The following NEGR1 variants were observed in gnomAD, a reference collection of about 807,000 sequenced individuals.
NEGR1 encodes the protein neuronal growth regulator 1.
NEGR1 carries 10 observed loss-of-function variants against 40.9 expected under a neutral mutation model. That is an observed-to-expected ratio of 0.24 (90% CI 0.15 to 0.42). The LOEUF is 0.42. Ranked by LOEUF, NEGR1 falls within the 10% of genes least tolerant of loss-of-function variation. The probability of loss-of-function intolerance (pLI) is 1.00; values close to 1 mark genes in which losing one functional copy is unlikely to be tolerated. For synonymous variants in NEGR1, 185 were observed against 166.8 expected, an observed-to-expected ratio of 1.11 and a Z score of -0.84; for missense variants, 352 against 438.9, an observed-to-expected ratio of 0.80 and a Z score of 1.77.
Position 71,676,493 on chromosome 1 carries a change from G to A in NEGR1, c.667+21515C>T, listed in dbSNP as rs763100656. On this transcript the variant is annotated intron_variant, in intron 4 of 6. Coordinates refer to ENST00000357731, the MANE Select transcript of NEGR1 (RefSeq NM_173808.3). The stretch of plus-strand genomic sequence containing the variant: ...ATGATTGCTGTAAGACAAGGAAACA[G>A]CAACAATAACAATGAACTATAAGTG... Among the ~76,000 whole-genome samples, 116 of 152,288 alleles carry A rather than the reference G, an allele frequency of 7.6e-4. 1 individual carries two copies. The highest frequency in any genetic ancestry group is 2.6e-3 in the African/African-American group (108 of 41,566).
At chr1:71,723,692 T>G (rs529096263) in intron 3 of NEGR1, among the ~76,000 whole-genome samples, 20 of 152,176 alleles carry the variant, frequency 1.3e-4, no homozygotes, top group African/African-American at 4.6e-4. Flanking sequence ...TTGAAGTGCC[T>G]TACAACAAAG....
At chr1:72,056,407 C>T (rs1038191893) in intron 1 of NEGR1, among the ~76,000 whole-genome samples, 1 of 151,322 alleles carries the variant, frequency 6.6e-6, no homozygotes, top group African/African-American at 2.4e-5. Context: ...AGAGAGATTC[C>T]TGGCTGGATT....
chr1:71,459,322 ATGGTTCAC>A (rs1646698078), intron 6 of NEGR1, among the ~76,000 whole-genome samples: 1 of 152,224 alleles, frequency 6.6e-6, no homozygotes, highest in Admixed American at 6.5e-5. Flanking sequence ...AATGTCTCAA[ATGGTTCAC>A]TAATCTGAGA....
At chr1:71,736,762 C>T (rs1484356858) in intron 3 of NEGR1, among the ~76,000 whole-genome samples, 4 of 152,022 alleles carry the variant, frequency 2.6e-5, no homozygotes, top group Non-Finnish European at 5.9e-5. Context: ...TCCAATGTCT[C>T]GTATAATAAA....
chr1:72,225,598 C>T (rs1457782831), intron 1 of NEGR1, among the ~76,000 whole-genome samples: 1 of 151,264 alleles, frequency 6.6e-6, no homozygotes, highest in Non-Finnish European at 1.5e-5. Flanking sequence ...ATTTAAATAA[C>T]TGAGACTATT....
intron 4 of NEGR1, among the ~76,000 whole-genome samples, chr1:71,663,322 A>T (rs940431645): frequency 6.6e-6 from 1 of 152,038 alleles, no homozygotes; most frequent in African/African-American, 2.4e-5. Context: ...CAGCTTCTAC[A>T]TCTTAATTCT....
At chr1:71,997,693 T>C (rs1646517251) in intron 1 of NEGR1, among the ~76,000 whole-genome samples, 1 of 151,930 alleles carries the variant, frequency 6.6e-6, no homozygotes, top group Non-Finnish European at 1.5e-5. Context: ...GTTTTCTTTC[T>C]GAAAAAATAA....
intron 1 of NEGR1, among the ~76,000 whole-genome samples, chr1:72,218,178 C>G (rs1557583678): frequency 6.6e-6 from 1 of 151,766 alleles, no homozygotes; most frequent in Non-Finnish European, 1.5e-5. Context: ...TCCATAAGTT[C>G]ACTAGGATGA....
intron 3 of NEGR1, among the ~76,000 whole-genome samples, chr1:71,731,308 C>T (rs959333960): frequency 6.6e-6 from 1 of 152,124 alleles, no homozygotes; most frequent in Non-Finnish European, 1.5e-5. Context: ...TCCAGAAGCC[C>T]CCTCTACTCA....
At chr1:72,084,548 T>C (rs191325301) in intron 1 of NEGR1, among the ~76,000 whole-genome samples, 10 of 152,304 alleles carry the variant, frequency 6.6e-5, no homozygotes, top group Non-Finnish European at 1.2e-4. Flanking sequence ...CTGTATTAGA[T>C]AGCAAGTTCC....
At position 71,860,578 on chromosome 1, in the gene NEGR1, C is replaced by T. The variant is rs1282068319; in HGVS notation, c.409+74501G>A. 2.0e-5 allele frequency among the ~76,000 whole-genome samples: 3 copies of T among 151,786 alleles called. No individual in the cohort carries two copies. In the Admixed American group the frequency reaches 2.0e-4, roughly 10 times the overall value. On this transcript the variant is annotated intron_variant, in intron 2 of 6. Transcript: ENST00000357731. ...ATCATTATATTAGAAGTCAGATTAT[C>T]ACAAAATACAATGATAGATAGTAAG...
chr1:72,153,406 C>A (rs984363815), intron 1 of NEGR1, among the ~76,000 whole-genome samples: 4 of 151,736 alleles, frequency 2.6e-5, no homozygotes, highest in African/African-American at 9.7e-5. Context: ...CAAACTGTAT[C>A]ATGATAGCAG....
chr1:72,136,518 C>CA (rs1331481097), intron 1 of NEGR1, among the ~76,000 whole-genome samples: 17 of 142,120 alleles, frequency 1.2e-4, no homozygotes, highest in East Asian at 4.1e-4. Context: ...AGTGAGAGAA[C>CA]AAAAAAAAAT....
intron 1 of NEGR1, among the ~76,000 whole-genome samples, chr1:72,244,624 A>T (rs1047630562): frequency 6.6e-6 from 1 of 151,972 alleles, no homozygotes; most frequent in African/African-American, 2.4e-5. Context: ...TCACTGCAAC[A>T]CTGCATCAGT....
rs146610008 is a variant in NEGR1 at position 72,094,779 on chromosome 1, C to A, written c.177-159468G>T. Among the ~76,000 whole-genome samples, 3 of 152,302 alleles carry A rather than the reference C, an allele frequency of 2.0e-5. No homozygotes were observed. The East Asian group carries it at 5.8e-4, about 29-fold the overall frequency. ...GTTCTCCTTTTGCCTCTGTAGATCT[C>A]ACTGGTATTTTGTTAACACTAATTA... On this transcript the variant is annotated intron_variant, in intron 1 of 6. Transcript: ENST00000357731.
intron 3 of NEGR1, among the ~76,000 whole-genome samples, chr1:71,719,934 T>A (rs1168065491): frequency 6.6e-6 from 1 of 152,082 alleles, no homozygotes; most frequent in Non-Finnish European, 1.5e-5. Flanking sequence ...CCTGACCCTA[T>A]AAGAGTGCAT....
chr1:71,533,417 T>C (rs1371897842), intron 6 of NEGR1, among the ~76,000 whole-genome samples: 1 of 151,636 alleles, frequency 6.6e-6, no homozygotes, highest in Non-Finnish European at 1.5e-5. Flanking sequence ...TTCACTAACA[T>C]ACCTCCAAAC....
intron 4 of NEGR1, among the ~76,000 whole-genome samples, chr1:71,622,502 C>A (rs924162954): frequency 2.0e-5 from 3 of 151,852 alleles, no homozygotes; most frequent in Non-Finnish European, 4.4e-5. Flanking sequence ...AACGTGCAGA[C>A]TCTTTAGATC....
intron 1 of NEGR1, among the ~76,000 whole-genome samples, chr1:72,265,008 TTAAC>T: frequency 6.6e-6 from 1 of 151,002 alleles, no homozygotes; most frequent in Non-Finnish European, 1.5e-5. Flanking sequence ...GGTTATTTAT[TTAAC>T]TGTCATTTCT....
Sources: gnomAD v4.1 joint callset for allele counts (sites outside exome capture counted in the v4.1 genomes callset) on GRCh38, gnomAD v4.1.1 for gene constraint, MANE v1.5 for transcripts, NCBI Gene and HGNC (gene_info 2026-07-23, HGNC 2026-07-21) for gene names.